The following ADGRL2 variants were observed in gnomAD, a reference collection of about 807,000 sequenced individuals.
The protein encoded by ADGRL2 is calcium-independent alpha-latrotoxin receptor 2.
Under a neutral mutation model 157.4 loss-of-function variants are expected in ADGRL2, and 44 were observed. The ratio of observed to expected loss-of-function variants is 0.28; its 90% confidence interval spans 0.22 to 0.36. ADGRL2 has a LOEUF of 0.36. ADGRL2 is among the 10% of genes least tolerant of loss of function. The pLI is 1.00. For missense variants in ADGRL2, 1,510 were observed against 1,768.9 expected, an observed-to-expected ratio of 0.85 and a Z score of 2.63; for synonymous variants, 585 against 624.7, an observed-to-expected ratio of 0.94 and a Z score of 0.95.
chr1:81,803,164 G>C (rs12116823), intron 1 of ADGRL2, among the ~76,000 whole-genome samples: 11,063 of 152,104 alleles, frequency 0.073, 506 homozygotes, highest in South Asian at 0.16. Flanking sequence ...GTGGCGACGA[G>C]AGAAAGGCGT....
chr1:81,961,029 G>A (rs1354372936), intron 11 of ADGRL2, among the ~76,000 whole-genome samples: 1 of 152,164 alleles, frequency 6.6e-6, no homozygotes, highest in African/African-American at 2.4e-5. Context: ...TCCTGGCAGA[G>A]GTCATAGTTC....
chr1:81,782,037 T>C (rs2086834727), intron 2 of ADGRL2, among the ~76,000 whole-genome samples: 1 of 152,150 alleles, frequency 6.6e-6, no homozygotes, highest in African/African-American at 2.4e-5. Flanking sequence ...TCCCGTATTT[T>C]TGCAGGTTTG....
chr1:81,912,685 C>G (rs918399813), intron 3 of ADGRL2, among the ~76,000 whole-genome samples: 1 of 151,816 alleles, frequency 6.6e-6, no homozygotes, highest in African/African-American at 2.4e-5. Flanking sequence ...AAAAACGGAA[C>G]AGACGTGGGA....
intron 2 of ADGRL2, among the ~76,000 whole-genome samples, chr1:81,471,209 C>T (rs1189111994): frequency 6.6e-6 from 1 of 152,146 alleles, no homozygotes; most frequent in African/African-American, 2.4e-5. Context: ...ATATTTTATA[C>T]ATTTCTTGGG....
chr1:81,388,275 A>C (rs10874231), intron 1 of ADGRL2, among the ~76,000 whole-genome samples: 2 of 151,880 alleles, frequency 1.3e-5, no homozygotes, highest in African/African-American at 4.8e-5. Flanking sequence ...GAGGCCTAGC[A>C]TGGAAGTGCC....
chr1:81,680,637 C>T (rs2083092630), intron 3 of ADGRL2, among the ~76,000 whole-genome samples: 1 of 151,922 alleles, frequency 6.6e-6, no homozygotes, highest in Non-Finnish European at 1.5e-5. Context: ...CTGTTTTCTC[C>T]ATTATTTAAT....
Position 81,711,564 on chromosome 1 carries a change from A to AT in ADGRL2, c.-143+11763dup, listed in dbSNP as rs201074866. 3.1e-4 allele frequency among the ~76,000 whole-genome samples: 47 copies of AT among 152,118 alleles called. 2 individuals carry two copies. In the East Asian group the frequency reaches 8.7e-3, roughly 28 times the overall value. On this transcript the variant is annotated intron_variant, in intron 1 of 20. Transcript: ENST00000359929. ...TTAAAAAGACATACTTAAAATTGGT[A>AT]TTTTTTTGTTTGTTGTTTGTTTTGT... is the stretch of plus-strand genomic sequence containing the variant.
chr1:81,886,090 A>G (rs1282836346), intron 2 of ADGRL2, among the ~76,000 whole-genome samples: 1 of 152,242 alleles, frequency 6.6e-6, no homozygotes, highest in African/African-American at 2.4e-5. Flanking sequence ...TGTTGAAAGC[A>G]GCTTTAAATA....
intron 3 of ADGRL2, among the ~76,000 whole-genome samples, chr1:81,626,614 G>A (rs529694296): frequency 6.6e-6 from 1 of 152,288 alleles, no homozygotes; most frequent in East Asian, 1.9e-4. Context: ...CAGGACAAGT[G>A]GTATCCTCAT....
intron 2 of ADGRL2, among the ~76,000 whole-genome samples, chr1:81,897,638 C>G (rs2094415720): frequency 6.6e-6 from 1 of 152,106 alleles, no homozygotes; most frequent in African/African-American, 2.4e-5. Flanking sequence ...GTATTTGAAA[C>G]TATCAGCTAA....
intron 1 of ADGRL2, among the ~76,000 whole-genome samples, chr1:81,316,793 T>A (rs765271104): frequency 2.6e-5 from 4 of 152,318 alleles, no homozygotes; most frequent in Admixed American, 2.0e-4. Flanking sequence ...TATGTGTATG[T>A]ACCTATACTC....
intron 2 of ADGRL2, among the ~76,000 whole-genome samples, chr1:81,537,170 T>C (rs1290054468): frequency 6.6e-6 from 1 of 152,244 alleles, no homozygotes; most frequent in Non-Finnish European, 1.5e-5. Flanking sequence ...AATATGTATA[T>C]TTACATATGC....
At chr1:81,429,996 C>A (rs1047207775) in intron 1 of ADGRL2, among the ~76,000 whole-genome samples, 4 of 152,124 alleles carry the variant, frequency 2.6e-5, no homozygotes, top group African/African-American at 9.7e-5. Context: ...TGGGTTCAAG[C>A]GATTCTCCTG....
intron 2 of ADGRL2, among the ~76,000 whole-genome samples, chr1:81,507,417 G>A (rs2078997659): frequency 6.6e-6 from 1 of 152,174 alleles, no homozygotes; most frequent in South Asian, 2.1e-4. Flanking sequence ...ACTCTTTGGA[G>A]CCCCTAGGGT....
intron 3 of ADGRL2, among the ~76,000 whole-genome samples, chr1:81,608,994 G>A (rs1003190774): frequency 2.0e-5 from 3 of 152,044 alleles, no homozygotes; most frequent in African/African-American, 4.8e-5. Flanking sequence ...AAGAGGAGGC[G>A]GGATGGAGAG....
chr1:81,977,305 A>G (rs567333125), intron 17 of ADGRL2, among the ~76,000 whole-genome samples: 2 of 151,990 alleles, frequency 1.3e-5, no homozygotes, highest in African/African-American at 2.4e-5. Context: ...ATGTAATGTC[A>G]AAAACCTCAG....
At chr1:81,966,348 T>G (rs1318934401) in intron 12 of ADGRL2, 56 bp from the exon 13 acceptor site, 1 of 1,551,246 alleles carries the variant, frequency 6.4e-7, no homozygotes, top group Non-Finnish European at 8.9e-7. Flanking sequence ...TATTTTATCT[T>G]AGTTTATTAA....
chr1:81,555,173 G>T (rs892550443), intron 2 of ADGRL2, among the ~76,000 whole-genome samples: 10 of 151,910 alleles, frequency 6.6e-5, no homozygotes, highest in Admixed American at 5.9e-4. Flanking sequence ...TGGGTAAAGG[G>T]ATGTGATCTA....
intron 3 of ADGRL2, among the ~76,000 whole-genome samples, chr1:81,694,567 A>G (rs980127781): frequency 1.3e-5 from 2 of 152,114 alleles, no homozygotes; most frequent in Admixed American, 1.3e-4. Flanking sequence ...TTATTAATAA[A>G]AACTTAATTA....
Sources: gnomAD v4.1 joint callset for allele counts (sites outside exome capture counted in the v4.1 genomes callset) on GRCh38, gnomAD v4.1.1 for gene constraint, MANE v1.5 for transcripts, NCBI Gene and HGNC (gene_info 2026-07-23, HGNC 2026-07-21) for gene names.